MLLT10: variants seen among roughly 807,000 people sequenced by gnomAD.
The protein encoded by MLLT10 is protein AF-10.
In MLLT10, 30 loss-of-function variants were observed where a neutral mutation model predicts 129.1. That is an observed-to-expected ratio of 0.23 (90% CI 0.17 to 0.32). The LOEUF is 0.32. Among genes scored for constraint, MLLT10 ranks in the 10% least tolerant of loss-of-function variants. The pLI is 1.00. For synonymous variants in MLLT10, 490 were observed against 446.4 expected (o/e 1.10, Z -1.23); for missense variants, 1,119 against 1,268.3 (o/e 0.88, Z 1.79).
chr10:21,586,004 G>A (rs964550478), intron 3 of MLLT10, among the ~76,000 whole-genome samples: 33 of 152,160 alleles, frequency 2.2e-4, no homozygotes, highest in East Asian at 9.6e-4. Flanking sequence ...CAGCTAATCC[G>A]CCTGCCTCAG....
chr10:21,552,145 C>T (rs781158520), intron 3 of MLLT10, among the ~76,000 whole-genome samples: 3 of 152,040 alleles, frequency 2.0e-5, no homozygotes, highest in Admixed American at 6.6e-5. Context: ...AGGCTGGTCT[C>T]GATCTCCTGG....
intron 8 of MLLT10, chr10:21,626,144 C>G: frequency 1.2e-6 from 2 of 1,610,256 alleles, no homozygotes; most frequent in Non-Finnish European, 1.7e-6. Flanking sequence ...CTTCATAACT[C>G]CACATAAAAA....
rs200438110 is a variant in MLLT10 at position 21,619,268 on chromosome 10, A to T, written c.699+2061A>T. On this transcript the variant is annotated intron_variant, in intron 8 of 22. Transcript: ENST00000307729. ...TTTATTTAAGCTTTTTAAGTCATCA[A>T]CTAAGGATTCTTAGGCAGGGCTCAT... Among the ~76,000 whole-genome samples, 45 of 152,326 alleles carry T rather than the reference A, an allele frequency of 3.0e-4. 2 individuals are homozygous for T. Among genetic ancestry groups the T allele is most frequent in the African/African-American group, 1.0e-3 (42 of 41,580 alleles).
intron 13 of MLLT10, among the ~76,000 whole-genome samples, chr10:21,710,868 TC>T (rs1393331831): frequency 1.3e-5 from 2 of 152,214 alleles, no homozygotes; most frequent in Non-Finnish European, 2.9e-5. Context: ...CACAGTTACT[TC>T]CGTACAGTAA....
chr10:21,618,884 C>T (rs1690177422), intron 8 of MLLT10, among the ~76,000 whole-genome samples: 1 of 152,032 alleles, frequency 6.6e-6, no homozygotes, highest in Admixed American at 6.6e-5. Context: ...AGGCACATGC[C>T]ACCATGCCTG....
At chr10:21,708,754 A>AT (rs1589752388) in intron 13 of MLLT10, 1 of 985,044 alleles carries the variant, frequency 1.0e-6, no homozygotes, top group East Asian at 1.1e-4. Context: ...TTCTTCCAAG[A>AT]TGTTTTACTG....
chr10:21,666,641 G>A lies in MLLT10; in HGVS notation c.796-3808G>A, dbSNP rs1427096504. Among the ~76,000 whole-genome samples, 4 of 150,224 alleles carry A rather than the reference G, an allele frequency of 2.7e-5. No individual in the cohort carries two copies. In the East Asian group the frequency reaches 7.8e-4, roughly 29 times the overall value. On this transcript the variant is annotated intron_variant, in intron 9 of 22. Transcript: ENST00000307729. Reference sequence around the variant, plus strand: ...TCGCACTACTGCACTCCAGCCTGGCGACAGAGCAAGACTCTGTCTCAAAAA... The same window carrying A: ...TCGCACTACTGCACTCCAGCCTGGCAACAGAGCAAGACTCTGTCTCAAAAA...
chr10:21,534,916 G>A (rs2033562063), intron 2 of MLLT10, 112 bp downstream of exon 2: 4 of 716,446 alleles, frequency 5.6e-6, no homozygotes, highest in Non-Finnish European at 6.9e-6. Context: ...GCCGCGGGAG[G>A]GACGCGGAGG....
At chr10:21,573,914 G>A (rs2040474970) in intron 3 of MLLT10, among the ~76,000 whole-genome samples, 1 of 152,132 alleles carries the variant, frequency 6.6e-6, no homozygotes, top group Non-Finnish European at 1.5e-5. Context: ...AAATATTTTT[G>A]CAACTTTGTA....
intron 8 of MLLT10, among the ~76,000 whole-genome samples, chr10:21,643,256 C>T (rs2048186679): frequency 6.6e-6 from 1 of 152,202 alleles, no homozygotes. Flanking sequence ...TGGTCTCGAA[C>T]TCCTGACCTC....
chr10:21,738,196 G>A (rs1276434850), intron 21 of MLLT10, among the ~76,000 whole-genome samples: 2 of 151,980 alleles, frequency 1.3e-5, no homozygotes, highest in Non-Finnish European at 2.9e-5. Context: ...TGAACCAGGA[G>A]GTGTAGGTTG....
At chr10:21,706,282 A>T (rs902939034) in intron 13 of MLLT10, among the ~76,000 whole-genome samples, 1 of 152,226 alleles carries the variant, frequency 6.6e-6, no homozygotes, top group Non-Finnish European at 1.5e-5. Context: ...GGTAGACAGC[A>T]TACTGTCTAC....
chr10:21,609,904 C>T (rs142513530), intron 5 of MLLT10, among the ~76,000 whole-genome samples: 82 of 152,240 alleles, frequency 5.4e-4, no homozygotes, highest in African/African-American at 1.9e-3. Context: ...CACGCACATA[C>T]ACAGATTGTG....
chr10:21,548,224 G>T (rs773084458), intron 3 of MLLT10, among the ~76,000 whole-genome samples: 5 of 152,068 alleles, frequency 3.3e-5, no homozygotes, highest in African/African-American at 4.8e-5. Flanking sequence ...TGAGGACTCA[G>T]TGTCCTTCCA....
At chr10:21,697,099 C>CAAAAAAAAA (rs1163740638) in intron 13 of MLLT10, among the ~76,000 whole-genome samples, 2 of 82,656 alleles carry the variant, frequency 2.4e-5, no homozygotes, top group Non-Finnish European at 4.3e-5. Flanking sequence ...CTGATTTAAG[C>CAAAAAAAAA]AAAAAAAAAA....
intron 8 of MLLT10, among the ~76,000 whole-genome samples, chr10:21,644,641 A>T (rs2048316153): frequency 6.6e-6 from 1 of 152,020 alleles, no homozygotes; most frequent in South Asian, 2.1e-4. Flanking sequence ...TTTATTTTTT[A>T]TTTTAATTGT....
chr10:21,682,695 A>G (rs893230325), intron 13 of MLLT10, among the ~76,000 whole-genome samples: 7 of 152,208 alleles, frequency 4.6e-5, no homozygotes, highest in Admixed American at 2.6e-4. Flanking sequence ...TAGTGAATAA[A>G]TGGAAGATAG....
At chr10:21,565,172 T>G (rs1225635155) in intron 3 of MLLT10, among the ~76,000 whole-genome samples, 1 of 152,364 alleles carries the variant, frequency 6.6e-6, no homozygotes, top group East Asian at 1.9e-4. Flanking sequence ...ATAGTGTTTC[T>G]GATGTTAATA....
At chr10:21,687,024 A>G (rs1014752407) in intron 13 of MLLT10, among the ~76,000 whole-genome samples, 3 of 152,116 alleles carry the variant, frequency 2.0e-5, no homozygotes, top group African/African-American at 7.2e-5. Flanking sequence ...GCTTACTTAG[A>G]TCAGTTTTCA....
Sources: gnomAD v4.1 joint callset for allele counts (sites outside exome capture counted in the v4.1 genomes callset) on GRCh38, gnomAD v4.1.1 for gene constraint, MANE v1.5 for transcripts, NCBI Gene and HGNC (gene_info 2026-07-23, HGNC 2026-07-21) for gene names.